The following ACBD6 variants were observed in gnomAD, a reference collection of about 807,000 sequenced individuals.
The protein encoded by ACBD6 is acyl-CoA-binding domain-containing protein 6.
ACBD6 carries 28 observed loss-of-function variants against 37.2 expected under a neutral mutation model. The ratio of observed to expected loss-of-function variants is 0.75; its 90% CI spans 0.56 to 1.03. ACBD6 has a LOEUF of 1.03. Among genes scored for constraint, ACBD6 ranks in the 50% least tolerant of loss-of-function variants. The pLI is 0.00. For missense variants in ACBD6, 340 were observed against 337.4 expected (o/e 1.01, Z -0.06); for synonymous variants, 113 against 126.8 (o/e 0.89, Z 0.73).
intron 6 of ACBD6, among the ~76,000 whole-genome samples, chr1:180,339,905 TTAAAA>T (rs1010440933): frequency 2.0e-5 from 3 of 151,616 alleles, no homozygotes; most frequent in East Asian, 3.9e-4. Flanking sequence ...GGGTATCAAC[TTAAAA>T]TAAGGAAGGC....
chr1:180,436,288 G>T (rs1649033099), intron 3 of ACBD6, among the ~76,000 whole-genome samples: 1 of 152,158 alleles, frequency 6.6e-6, no homozygotes, highest in African/African-American at 2.4e-5. Flanking sequence ...GATTTCCTGA[G>T]AATTGAACCT....
At chr1:180,327,863 A>G (rs1056319570) in intron 6 of ACBD6, among the ~76,000 whole-genome samples, 3 of 152,200 alleles carry the variant, frequency 2.0e-5, no homozygotes, top group African/African-American at 7.2e-5. Context: ...TGTGCTCCTG[A>G]AGTTAAACAG....
chr1:180,476,750 C>T (rs976291296), intron 3 of ACBD6, among the ~76,000 whole-genome samples: 3 of 151,906 alleles, frequency 2.0e-5, no homozygotes, highest in Non-Finnish European at 2.9e-5. Context: ...TGCTTGAACC[C>T]GGGAGACAGA....
intron 6 of ACBD6, among the ~76,000 whole-genome samples, chr1:180,378,270 A>G (rs144457108): frequency 9.8e-5 from 15 of 152,310 alleles, no homozygotes; most frequent in African/African-American, 3.4e-4. Flanking sequence ...AGTGAGGAAC[A>G]TTCTACAAAC....
chr1:180,477,904 G>A (rs1235896461), intron 3 of ACBD6, among the ~76,000 whole-genome samples: 1 of 151,800 alleles, frequency 6.6e-6, no homozygotes, highest in African/African-American at 2.4e-5. Context: ...CTACTTGGAA[G>A]GATGAGGCAG....
chr1:180,374,445 T>A (rs1653363118), intron 6 of ACBD6, among the ~76,000 whole-genome samples: 1 of 152,206 alleles, frequency 6.6e-6, no homozygotes, highest in Non-Finnish European at 1.5e-5. Context: ...AGAGACTGTT[T>A]ACAATGTGTG....
intron 6 of ACBD6, among the ~76,000 whole-genome samples, chr1:180,363,686 AAGCAGG>A (rs56989190): frequency 7.9e-5 from 2 of 25,236 alleles, no homozygotes; most frequent in Non-Finnish European, 3.0e-4. Flanking sequence ...CAATCAGAGT[AAGCAGG>A]AGCAGGAGCA....
At chr1:180,455,572 A>G (rs1442065797) in intron 3 of ACBD6, among the ~76,000 whole-genome samples, 1 of 151,650 alleles carries the variant, frequency 6.6e-6, no homozygotes, top group Non-Finnish European at 1.5e-5. Context: ...AGACTACCTA[A>G]AAGTGAAAAA....
At chr1:180,415,326 G>A (rs372738913) in intron 4 of ACBD6, among the ~76,000 whole-genome samples, 10 of 151,834 alleles carry the variant, frequency 6.6e-5, no homozygotes, top group African/African-American at 2.4e-4. Context: ...GAACCCAGGA[G>A]GCAGAGGTTG....
chr1:180,376,248 C>G (rs940015634), intron 6 of ACBD6, among the ~76,000 whole-genome samples: 6 of 152,072 alleles, frequency 3.9e-5, no homozygotes, highest in Admixed American at 1.3e-4. Context: ...ATTAGTAAAC[C>G]CTTCTAGAGG....
chr1:180,344,983 T>C (rs1571387732), intron 6 of ACBD6, among the ~76,000 whole-genome samples: 1 of 152,220 alleles, frequency 6.6e-6, no homozygotes, highest in East Asian at 1.9e-4. Flanking sequence ...GTGAATAATC[T>C]TACTCTTCAA....
At chr1:180,325,427 A>G (rs1651221137) in intron 6 of ACBD6, among the ~76,000 whole-genome samples, 2 of 152,124 alleles carry the variant, frequency 1.3e-5, no homozygotes, top group South Asian at 4.1e-4. Context: ...CTTTTTAATT[A>G]TTTCAATCTC....
intron 3 of ACBD6, among the ~76,000 whole-genome samples, chr1:180,472,375 A>G (rs1299003801): frequency 6.6e-6 from 1 of 152,220 alleles, no homozygotes; most frequent in East Asian, 1.9e-4. Context: ...ATTGTGATTT[A>G]GGGTAGATGT....
At chr1:180,422,591 T>C (rs1372714769) in intron 4 of ACBD6, among the ~76,000 whole-genome samples, 1 of 152,170 alleles carries the variant, frequency 6.6e-6, no homozygotes, top group African/African-American at 2.4e-5. Context: ...CAGACCTCAA[T>C]CTACAATACG....
downstream of ACBD6, among the ~76,000 whole-genome samples, chr1:180,287,642 CAATT>C (rs1558234522): frequency 8.3e-6 from 1 of 121,206 alleles, no homozygotes; most frequent in African/African-American, 3.1e-5. Context: ...TCATTATAGA[CAATT>C]AAAAGAGCCC....
chr1:180,381,258 A>G (rs550781510), intron 6 of ACBD6, among the ~76,000 whole-genome samples: 5 of 152,338 alleles, frequency 3.3e-5, no homozygotes, highest in African/African-American at 1.2e-4. Context: ...CTCCAATACA[A>G]TAACAATTGG....
chr1:180,486,121 T>C (rs1456131620), intron 3 of ACBD6, among the ~76,000 whole-genome samples: 1 of 152,172 alleles, frequency 6.6e-6, no homozygotes, highest in Middle Eastern at 3.2e-3. Context: ...GGGCCATTTC[T>C]CAGGATTGTG....
intron 5 of ACBD6, among the ~76,000 whole-genome samples, chr1:180,407,308 A>G (rs1318718398): frequency 6.6e-6 from 1 of 152,242 alleles, no homozygotes; most frequent in Non-Finnish European, 1.5e-5. Context: ...GCTGAGGGTA[A>G]AGGTAGCTGC....
At chr1:180,485,302 G>T (rs1158497740) in intron 3 of ACBD6, among the ~76,000 whole-genome samples, 1 of 152,130 alleles carries the variant, frequency 6.6e-6, no homozygotes, top group Admixed American at 6.5e-5. Flanking sequence ...TGTGTAGTGA[G>T]TTGAATTGTG....
Sources: gnomAD v4.1 joint callset for allele counts (sites outside exome capture counted in the v4.1 genomes callset) on GRCh38, gnomAD v4.1.1 for gene constraint, MANE v1.5 for transcripts, NCBI Gene and HGNC (gene_info 2026-07-23, HGNC 2026-07-21) for gene names.